Variants in KCNQ4 observed in about 807,000 individuals in gnomAD.
KCNQ4 encodes the protein potassium voltage-gated channel subfamily Q member 4, also known as potassium voltage-gated channel subfamily KQT member 4.
KCNQ4 carries 31 observed loss-of-function variants against 72.6 expected under a neutral mutation model. The observed-to-expected ratio is 0.43, with a 90% confidence interval of 0.32 to 0.58. The LOEUF (loss-of-function observed/expected upper bound fraction) is 0.58. Among genes scored for constraint, KCNQ4 ranks in the 20% least tolerant of loss-of-function variants. The pLI is 0.08. For synonymous variants in KCNQ4, 405 were observed against 403.7 expected (o/e 1.00, Z -0.04); for missense variants, 869 against 962.6 (o/e 0.90, Z 1.29).
At chr1:40,836,620 G>T (rs1648812130) in intron 12 of KCNQ4, among the ~76,000 whole-genome samples, 1 of 152,170 alleles carries the variant, frequency 6.6e-6, no homozygotes, top group African/African-American at 2.4e-5. Context: ...AGTGTTTCCA[G>T]GTTGCAGAGA....
intron 1 of KCNQ4, among the ~76,000 whole-genome samples, chr1:40,810,041 CAG>C (rs1469076354): frequency 7.3e-6 from 1 of 136,210 alleles, no homozygotes; most frequent in African/African-American, 2.8e-5. Flanking sequence ...GCCTGGGCGA[CAG>C]AGTGAGACTC....
In KCNQ4 at chr1:40,833,123, A is replaced by T. The variant is rs763505142; in HGVS notation, c.1613+10A>T. The T allele has an allele frequency of 6.2e-7, 1 of 1,600,870 alleles. No homozygotes were observed. The highest frequency in any genetic ancestry group is 8.5e-7 in the Non-Finnish European group (1 of 1,172,282). Reference sequence around the variant, plus strand: ...TCATCCGCTCCATCAGGTAAGACTGAGGCCTGAGGCGAGCACCCCCCTCCG... The same window carrying T: ...TCATCCGCTCCATCAGGTAAGACTGTGGCCTGAGGCGAGCACCCCCCTCCG... On this transcript the variant is annotated intron_variant, in intron 11 of 13. Coordinates refer to ENST00000347132, the MANE Select transcript of KCNQ4 (RefSeq NM_004700.4).
intron 12 of KCNQ4, among the ~76,000 whole-genome samples, chr1:40,837,439 C>T (rs922169523): frequency 2.0e-5 from 3 of 152,214 alleles, no homozygotes; most frequent in Non-Finnish European, 4.4e-5. Flanking sequence ...GGTTGTTTTA[C>T]TTGTCAGGTT....
In KCNQ4 at chr1:40,831,290, G is replaced by A. The variant is rs201025485; in HGVS notation, c.1499G>A (p.Arg500His). Residue 500 changes from arginine to histidine, a missense_variant, in exon 10 of 14, where the codon CGC becomes CAC. By Grantham distance (29) the Arg-to-His change is conservative. Around this residue, in one of 5 missense-constraint regions of KCNQ4, gnomAD observed 480 missense variants for 501.9 expected, o/e 0.96. Coordinates refer to ENST00000347132, the MANE Select transcript of KCNQ4 (RefSeq NM_004700.4). ...RFRASLRLKPRTSAEDAPSEE... is the reference protein window; with the variant it reads ...RFRASLRLKPHTSAEDAPSEE... ...CGGGCATCTCTGAGACTCAAACCCC[G>A]CACCTCTGCTGAGGGTAAGCCCCCG... The A allele has an allele frequency of 4.8e-5, 77 of 1,600,054 alleles. No individual in the cohort carries two copies. Among genetic ancestry groups the A allele is most frequent in the East Asian group, 2.0e-4 (9 of 44,388 alleles).
rs1167932332 is a variant in KCNQ4, at chr1:40,839,104, G to C, written c.*581G>C. On this transcript the variant is annotated 3_prime_UTR_variant, in exon 14 of 14. Transcript: ENST00000347132. ...TCTCTCTGTCCCTCCCCCATTGGGA[G>C]CTGGGCCCCCAGCAGTAGCTGGTCT... 6.2e-6 allele frequency: 1 copy of C among 161,352 alleles called. No homozygotes were observed. Among genetic ancestry groups the C allele is most frequent in the Non-Finnish European group, 1.4e-5 (1 of 73,024 alleles). The allele number at this position is 161,352 out of a possible 1,614,324, so 10.0% of individuals were successfully genotyped here. A position where few individuals can be genotyped will look rare whatever the true frequency, so the allele number is the denominator to read the frequency against.
At chr1:40,802,739 T>C (rs1647622687) in intron 1 of KCNQ4, among the ~76,000 whole-genome samples, 1 of 152,144 alleles carries the variant, frequency 6.6e-6, no homozygotes, top group African/African-American at 2.4e-5. Flanking sequence ...GGGTGTCTGC[T>C]TCCCTTGTCC....
chr1:40,793,374 G>T (rs1647327573), intron 1 of KCNQ4, among the ~76,000 whole-genome samples: 1 of 152,082 alleles, frequency 6.6e-6, no homozygotes, highest in African/African-American at 2.4e-5. Context: ...AAGCAGCTCT[G>T]CCTCCTCTTT....
rs1648910550 is a variant in KCNQ4, at chr1:40,839,447, G to A, written c.*924G>A. 1.3e-5 allele frequency: 2 copies of A among 152,212 alleles called. No homozygotes were observed. Among genetic ancestry groups the A allele is most frequent in the Admixed American group, 1.3e-4 (2 of 15,282 alleles). The allele number at this position is 152,212 out of a possible 1,614,324, so 9.4% of individuals were successfully genotyped here. Reference sequence around the variant, plus strand: ...AAGAAAGCCTCTCACACTTAAACATGCAATGACGTGACACACTTGGAGACA... The same window carrying A: ...AAGAAAGCCTCTCACACTTAAACATACAATGACGTGACACACTTGGAGACA... On this transcript the variant is annotated 3_prime_UTR_variant, in exon 14 of 14. Coordinates refer to ENST00000347132, the MANE Select transcript of KCNQ4 (RefSeq NM_004700.4).
At chr1:40,805,553 G>A (rs192326221) in intron 1 of KCNQ4, among the ~76,000 whole-genome samples, 18 of 152,300 alleles carry the variant, frequency 1.2e-4, no homozygotes, top group Non-Finnish European at 2.5e-4. Context: ...TGGGATGGGG[G>A]TTAAGGGAGC....
chr1:40,793,174 T>A (rs1432948662), intron 1 of KCNQ4, among the ~76,000 whole-genome samples: 1 of 151,626 alleles, frequency 6.6e-6, no homozygotes, highest in African/African-American at 2.4e-5. Flanking sequence ...AGCTAGTTTT[T>A]AAATTTTTCT....
In KCNQ4 at chr1:40,784,334, C is replaced by T. The variant is rs760630974; in HGVS notation, c.241C>T (p.Arg81Cys). The change falls in exon 1 of 14, where the codon CGC (arginine) becomes TGC (cysteine). Residue 81 changes from arginine (R) to cysteine (C), a missense_variant. By Grantham distance (180) the Arg-to-Cys change is radical. Coordinates refer to ENST00000347132, the MANE Select transcript of KCNQ4 (RefSeq NM_004700.4). This position sits in a 1 kb window ranked among gnomAD's most constrained non-coding sequence, Gnocchi z 4.1. Reference protein sequence around the residue: ...QRSSAAHKRYRRLQNWVYNVL... With the variant: ...QRSSAAHKRYCRLQNWVYNVL... The stretch of plus-strand genomic sequence containing the variant: ...CTCCTCGGCCGCGCACAAGCGCTAC[C>T]GCCGCCTGCAGAACTGGGTCTACAA... 8 of 1,609,184 alleles carry T rather than the reference C, an allele frequency of 5.0e-6. No homozygotes were observed. The highest frequency in any genetic ancestry group is 5.9e-6 in the Non-Finnish European group (7 of 1,179,172).
At chr1:40,796,565 G>A (rs949892540) in intron 1 of KCNQ4, among the ~76,000 whole-genome samples, 2 of 152,102 alleles carry the variant, frequency 1.3e-5, no homozygotes, top group Admixed American at 6.5e-5. Flanking sequence ...TAACTCACCC[G>A]GACTATGTCT....
At chr1:40,818,313 ACCTGACC>A in intron 3 of KCNQ4, 23 bp downstream of exon 3, 1 of 1,612,918 alleles carries the variant, frequency 6.2e-7, no homozygotes, top group Admixed American at 1.7e-5. Flanking sequence ...GCCCCGCCCG[ACCTGACC>A]CCTGACCCCA....
In KCNQ4 at chr1:40,817,925, A is replaced by G. The variant is rs1443182799; in HGVS notation, c.406-239A>G. 6.6e-6 allele frequency among the ~76,000 whole-genome samples: 1 copy of G among 152,204 alleles called. No homozygotes were observed. The highest frequency in any genetic ancestry group is 6.5e-5 in the Admixed American group (1 of 15,284). Reference sequence around the variant, plus strand: ...ACAGGGAGGGCCTGTTGAGGAGCAGAAAAATCCGATCAGTTCATGGGGACC... The same window carrying G: ...ACAGGGAGGGCCTGTTGAGGAGCAGGAAAATCCGATCAGTTCATGGGGACC... On this transcript the variant is annotated intron_variant, in intron 2 of 13. Coordinates refer to ENST00000347132, the MANE Select transcript of KCNQ4 (RefSeq NM_004700.4). The surrounding 1 kb of genome is among the most constrained non-coding windows in gnomAD (Gnocchi z 5.5).
chr1:40,806,926 G>A (rs1203131028), intron 1 of KCNQ4, among the ~76,000 whole-genome samples: 1 of 152,196 alleles, frequency 6.6e-6, no homozygotes, highest in African/African-American at 2.4e-5. Flanking sequence ...CCATGAATCT[G>A]TGGCGGCCAG....
chr1:40,832,360 G>A (rs1036123847), intron 10 of KCNQ4, among the ~76,000 whole-genome samples: 15 of 152,174 alleles, frequency 9.9e-5, no homozygotes, highest in Non-Finnish European at 2.2e-4. Context: ...CCATAGACCA[G>A]TCTTTGAGAG....
Position 40,837,678 on chromosome 1 carries a change from G to A in KCNQ4, c.1759G>A (p.Val587Met). Residue 587 changes from valine to methionine, a missense_variant, in exon 13 of 14, where the codon GTG becomes ATG. Coordinates refer to ENST00000347132, the MANE Select transcript of KCNQ4 (RefSeq NM_004700.4). ...CCTTACCCTTAGGGTGGACCAAATTGTGGGTCGGGGGCCCGGGGACAGGAA... is the reference window on the plus strand; with the variant it reads ...CCTTACCCTTAGGGTGGACCAAATTATGGGTCGGGGGCCCGGGGACAGGAA... ...KSLQTRVDQI[V>M]GRGPGDRKAR... is the part of the protein sequence containing the mutation. 3 of 1,613,348 alleles carry A rather than the reference G, an allele frequency of 1.9e-6. No homozygotes were observed. Among genetic ancestry groups the A allele is most frequent in the Non-Finnish European group, 1.7e-6 (2 of 1,179,808 alleles).
At chr1:40,821,080 C>T (rs1430091240) in intron 7 of KCNQ4, among the ~76,000 whole-genome samples, 1 of 152,224 alleles carries the variant, frequency 6.6e-6, no homozygotes, top group Non-Finnish European at 1.5e-5. Context: ...TCGCTGTTAT[C>T]TCCAGCCACC....
intron 10 of KCNQ4, 54 bp from the exon 11 acceptor site, chr1:40,832,960 G>A (rs1488610434): frequency 2.2e-5 from 28 of 1,290,632 alleles, no homozygotes; most frequent in Non-Finnish European, 3.2e-5. Context: ...GGTCGGATGG[G>A]AGGTTGGGAG....
Sources: gnomAD v4.1 joint callset for allele counts (sites outside exome capture counted in the v4.1 genomes callset) on GRCh38, gnomAD v4.1.1 for gene constraint, gnomAD v4.1.1 regional missense constraint, Gnocchi (gnomAD v3.1) non-coding constraint, MANE v1.5 for transcripts, NCBI Gene and HGNC (gene_info 2026-07-23, HGNC 2026-07-21) for gene names.